Variants in SNTG1 observed in about 807,000 individuals in gnomAD.
SNTG1 encodes the protein syntrophin gamma 1.
A neutral mutation model predicts 74.7 loss-of-function variants in SNTG1; 39 were observed. The ratio of observed to expected loss-of-function variants is 0.52; its 90% confidence interval spans 0.40 to 0.68. SNTG1 has a LOEUF of 0.68. Among genes scored for constraint, SNTG1 ranks in the 30% least tolerant of loss-of-function variants. The probability of loss-of-function intolerance (pLI) is 0.00; values close to 1 mark genes in which losing one functional copy is unlikely to be tolerated. For synonymous variants in SNTG1, 254 were observed against 217.1 expected (o/e 1.17, Z -1.49); for missense variants, 685 against 609.5 (o/e 1.12, Z -1.30).
chr8:50,667,458 G>A (rs545251850), intron 15 of SNTG1, among the ~76,000 whole-genome samples: 1 of 152,070 alleles, frequency 6.6e-6, no homozygotes, highest in Admixed American at 6.6e-5. Flanking sequence ...CTAGCATGTC[G>A]TGAAGGTCTA....
chr8:50,711,016 T>C (rs1254619203), intron 17 of SNTG1, among the ~76,000 whole-genome samples: 2 of 152,140 alleles, frequency 1.3e-5, no homozygotes, highest in African/African-American at 4.8e-5. Context: ...CTGATTATAC[T>C]TGGAGAATGA....
intron 15 of SNTG1, among the ~76,000 whole-genome samples, chr8:50,679,788 G>A (rs2095323878): frequency 6.6e-6 from 1 of 152,102 alleles, no homozygotes; most frequent in African/African-American, 2.4e-5. Flanking sequence ...TTATTTCTCT[G>A]GTGGTGAGAT....
rs545469586 is a variant in SNTG1, at chr8:50,619,799, GCTA to G, written c.849+28886_849+28888del. Among the ~76,000 whole-genome samples, 755 of 148,360 alleles carry G rather than the reference GCTA, an allele frequency of 5.1e-3. 6 individuals carry two copies. Among genetic ancestry groups the G allele is most frequent in the African/African-American group, 0.017 (705 of 40,334 alleles). ...TCAGAGTCAGTTGCCTTTTACCCATGCTACTAAGACTCCTATTATCTTTTTCCT... is the reference window on the plus strand; with the variant it reads ...TCAGAGTCAGTTGCCTTTTACCCATGCTAAGACTCCTATTATCTTTTTCCT... On this transcript the variant is annotated intron_variant, in intron 13 of 18. Transcript: ENST00000642720.
intron 16 of SNTG1, chr8:50,707,837 T>C (rs2095448703): frequency 5.3e-6 from 2 of 377,950 alleles, no homozygotes; most frequent in Admixed American, 9.0e-5. Context: ...TCATGTCGTA[T>C]ATAAACCTTA....
At chr8:50,387,277 A>G (rs1186901170) in intron 2 of SNTG1, among the ~76,000 whole-genome samples, 1 of 152,154 alleles carries the variant, frequency 6.6e-6, no homozygotes, top group Non-Finnish European at 1.5e-5. Flanking sequence ...TCTGCCCTAC[A>G]GAGAAGAGTG....
At chr8:50,398,743 A>G (rs1395260578) in intron 3 of SNTG1, among the ~76,000 whole-genome samples, 2 of 152,286 alleles carry the variant, frequency 1.3e-5, no homozygotes, top group East Asian at 3.9e-4. Flanking sequence ...CCTGGCCACC[A>G]TGGTGGTGAA....
chr8:49,931,630 C>G (rs1420596292), intron 1 of SNTG1, among the ~76,000 whole-genome samples: 1 of 152,064 alleles, frequency 6.6e-6, no homozygotes, highest in African/African-American at 2.4e-5. Flanking sequence ...GCAAAAATAA[C>G]CTAGAAGTTT....
intron 2 of SNTG1, among the ~76,000 whole-genome samples, chr8:50,210,071 C>T (rs180983223): frequency 5.9e-5 from 9 of 152,202 alleles, no homozygotes; most frequent in East Asian, 3.9e-4. Flanking sequence ...ACGAGAACTA[C>T]GTGAAGCATG....
chr8:50,186,515 C>T (rs952041704), intron 2 of SNTG1, among the ~76,000 whole-genome samples: 1 of 152,230 alleles, frequency 6.6e-6, no homozygotes, highest in Non-Finnish European at 1.5e-5. Context: ...TCCTATTTCT[C>T]CACAGCCTCG....
chr8:50,786,004 A>G (rs1160439954), intron 18 of SNTG1, among the ~76,000 whole-genome samples: 2 of 151,976 alleles, frequency 1.3e-5, no homozygotes, highest in Non-Finnish European at 2.9e-5. Flanking sequence ...GAAGGAATGT[A>G]TGTGTTCCCC....
intron 1 of SNTG1, among the ~76,000 whole-genome samples, chr8:50,133,865 T>C (rs1411903424): frequency 6.6e-6 from 1 of 152,212 alleles, no homozygotes; most frequent in Non-Finnish European, 1.5e-5. Context: ...GGGTTAAAAC[T>C]TCAATATGTC....
intron 12 of SNTG1, among the ~76,000 whole-genome samples, chr8:50,576,370 G>A (rs1029937194): frequency 6.6e-6 from 1 of 152,106 alleles, no homozygotes; most frequent in African/African-American, 2.4e-5. Context: ...ATAGTTTACT[G>A]TAGTAGGAAG....
intron 1 of SNTG1, among the ~76,000 whole-genome samples, chr8:50,146,225 T>C (rs1473105843): frequency 6.6e-6 from 1 of 151,984 alleles, no homozygotes. Context: ...TGCTTAAAAG[T>C]GGGAATGCTT....
chr8:49,963,881 T>C (rs1275634236), intron 1 of SNTG1, among the ~76,000 whole-genome samples: 4 of 152,244 alleles, frequency 2.6e-5, no homozygotes. Context: ...TTAGAAAGAC[T>C]TTTTCTTCAG....
chr8:50,512,763 C>T (rs1039985862), intron 9 of SNTG1, among the ~76,000 whole-genome samples: 2 of 152,182 alleles, frequency 1.3e-5, no homozygotes, highest in South Asian at 2.1e-4. Flanking sequence ...GTTTTCAGAT[C>T]CATCAGGTCC....
intron 15 of SNTG1, among the ~76,000 whole-genome samples, chr8:50,675,488 C>G (rs1406787425): frequency 6.7e-6 from 1 of 149,398 alleles, no homozygotes; most frequent in African/African-American, 2.5e-5. Context: ...GCAACCCCTA[C>G]TTTTTTTTTT....
At chr8:49,956,940 T>C (rs1444778579) in intron 1 of SNTG1, among the ~76,000 whole-genome samples, 1 of 152,194 alleles carries the variant, frequency 6.6e-6, no homozygotes, top group Non-Finnish European at 1.5e-5. Context: ...ATTGTTTATA[T>C]GTGGAATGTA....
intron 2 of SNTG1, among the ~76,000 whole-genome samples, chr8:50,341,218 C>A (rs1400268008): frequency 1.3e-5 from 2 of 151,802 alleles, no homozygotes; most frequent in African/African-American, 2.4e-5. Context: ...AAATATTTAA[C>A]CCAGTACTCC....
At chr8:50,398,664 C>A (rs910209562) in intron 3 of SNTG1, among the ~76,000 whole-genome samples, 7 of 152,162 alleles carry the variant, frequency 4.6e-5, no homozygotes, top group African/African-American at 1.4e-4. Flanking sequence ...CGGTGGCTCA[C>A]GCCTGTAATC....
Sources: allele counts gnomAD v4.1 joint callset (sites outside exome capture counted in the v4.1 genomes callset), GRCh38; gene constraint gnomAD v4.1.1; transcripts MANE v1.5; gene names NCBI Gene and HGNC (gene_info 2026-07-23, HGNC 2026-07-21).